DTNA: variants seen among roughly 807,000 people sequenced by gnomAD.
The protein encoded by DTNA is dystrobrevin alpha, also known as dystrophin-related protein 3.
A neutral mutation model predicts 100.7 loss-of-function variants in DTNA; 43 were observed. That is an observed-to-expected ratio of 0.43 (90% CI 0.33 to 0.55). The LOEUF (loss-of-function observed/expected upper bound fraction) is 0.55, where lower values mean the gene tolerates loss of function less well. DTNA is among the 20% of genes least tolerant of loss of function. DTNA has a pLI of 0.04. For synonymous variants in DTNA, 349 were observed against 347.9 expected (o/e 1.00, Z -0.04); for missense variants, 798 against 953.9 (o/e 0.84, Z 2.15).
chr18:34,544,972 G>T (rs144173004), intron 1 of DTNA, among the ~76,000 whole-genome samples: 1 of 152,038 alleles, frequency 6.6e-6, no homozygotes, highest in Admixed American at 6.6e-5. Flanking sequence ...GTTTAATACT[G>T]TGATTCCAAC....
chr18:34,555,828 T>C (rs1417035102), intron 1 of DTNA, among the ~76,000 whole-genome samples: 1 of 151,762 alleles, frequency 6.6e-6, no homozygotes, highest in African/African-American at 2.4e-5. Flanking sequence ...GGTGTGGTGC[T>C]GAAAAAAATG....
intron 1 of DTNA, among the ~76,000 whole-genome samples, chr18:34,541,772 A>C (rs1387607588): frequency 6.6e-6 from 1 of 152,120 alleles, no homozygotes; most frequent in Non-Finnish European, 1.5e-5. Context: ...TGGGAGATAA[A>C]GTGAGATTAG....
In DTNA at chr18:34,530,003, G is replaced by C. The variant is rs148628947; in HGVS notation, c.-2+36489G>C. ...CTAGCTTCTTTGAATACATAGATAT[G>C]ATAGTGTGTACCTTTCATTCTATGA... On this transcript the variant is annotated intron_variant, in intron 1 of 19. Coordinates refer to the DTNA transcript ENST00000283365. Among the ~76,000 whole-genome samples the C allele has an allele frequency of 8.1e-3, 1,237 of 152,220 alleles. 16 individuals carry two copies. The highest frequency in any genetic ancestry group is 0.028 in the African/African-American group (1,144 of 41,544).
At chr18:34,657,326 T>C (rs1481183677) in intron 1 of DTNA, among the ~76,000 whole-genome samples, 4 of 152,222 alleles carry the variant, frequency 2.6e-5, no homozygotes, top group Admixed American at 2.6e-4. Flanking sequence ...TTCCCAAATA[T>C]GGTACTTTTT....
At chr18:34,666,945 T>C (rs1236757467) in intron 1 of DTNA, among the ~76,000 whole-genome samples, 2 of 152,202 alleles carry the variant, frequency 1.3e-5, no homozygotes, top group East Asian at 1.9e-4. Flanking sequence ...GTAGTTTTTT[T>C]CCAATTCTGT....
chr18:34,648,517 G>A (rs2060103448), intron 1 of DTNA, among the ~76,000 whole-genome samples: 1 of 152,190 alleles, frequency 6.6e-6, no homozygotes, highest in Non-Finnish European at 1.5e-5. Context: ...TAGATAAAGG[G>A]AAATTGGAGT....
intron 1 of DTNA, among the ~76,000 whole-genome samples, chr18:34,559,893 A>G (rs1218656593): frequency 6.6e-6 from 1 of 152,210 alleles, no homozygotes; most frequent in Admixed American, 6.5e-5. Context: ...GAAAACACAA[A>G]TTATGAAGTG....
intron 1 of DTNA, among the ~76,000 whole-genome samples, chr18:34,669,682 A>G (rs1488246054): frequency 1.3e-5 from 2 of 152,138 alleles, no homozygotes; most frequent in African/African-American, 2.4e-5. Context: ...CCCTTCACTT[A>G]TGAAGCTTAG....
At chr18:34,862,124 C>CAAAAAAAAAAAAAAAA in intron 16 of DTNA, among the ~76,000 whole-genome samples, 1 of 56,266 alleles carries the variant, frequency 1.8e-5, no homozygotes, top group Non-Finnish European at 3.6e-5. Context: ...CAGACAAGGT[C>CAAAAAAAAAAAAAAAA]AAAAAAAAAA....
intron 1 of DTNA, among the ~76,000 whole-genome samples, chr18:34,573,111 C>A (rs773408979): frequency 3.3e-5 from 5 of 152,130 alleles, no homozygotes; most frequent in African/African-American, 9.7e-5. Flanking sequence ...TGCTCTGCTC[C>A]CATGTCACAT....
chr18:34,724,316 T>G (rs1187701096), intron 1 of DTNA, among the ~76,000 whole-genome samples: 1 of 152,194 alleles, frequency 6.6e-6, no homozygotes. Context: ...AATGAATAGC[T>G]AAAGTCATTT....
chr18:34,533,620 G>A lies in DTNA; in HGVS notation c.-2+40106G>A, dbSNP rs117340059. On this transcript the variant is annotated intron_variant, in intron 1 of 19. Transcript: ENST00000283365. The stretch of plus-strand genomic sequence containing the variant: ...TGTAATTGAGTAACTTATTTGCAGC[G>A]CATGTTTTCTGAAAATTTAGTCTTT... 2.5e-3 allele frequency among the ~76,000 whole-genome samples: 385 copies of A among 152,088 alleles called. 1 individual carries two copies. The highest frequency in any genetic ancestry group is 3.4e-3 in the Non-Finnish European group (233 of 67,970).
chr18:34,837,245 CA>C (rs2096171302), intron 11 of DTNA, among the ~76,000 whole-genome samples: 1 of 152,142 alleles, frequency 6.6e-6, no homozygotes, highest in Non-Finnish European at 1.5e-5. Context: ...TCTTCAAACA[CA>C]TTACCAATAC....
chr18:34,720,262 G>A (rs1246300405), intron 1 of DTNA, among the ~76,000 whole-genome samples: 2 of 152,090 alleles, frequency 1.3e-5, no homozygotes, highest in Non-Finnish European at 2.9e-5. Flanking sequence ...TGGTAGGGGT[G>A]GGTTGATTGT....
At chr18:34,733,134 C>T (rs1601044901) in intron 1 of DTNA, among the ~76,000 whole-genome samples, 2 of 152,084 alleles carry the variant, frequency 1.3e-5, no homozygotes, top group East Asian at 1.9e-4. Context: ...CTGGAGGTCT[C>T]CTTGGGGAAG....
At chr18:34,887,641 ATGTG>A in intron 22 of DTNA, 121 bp from the exon 23 acceptor site, 52 of 560,188 alleles carry the variant, frequency 9.3e-5, no homozygotes, top group East Asian at 1.5e-4. Flanking sequence ...GTGTGTGTGC[ATGTG>A]TGTGTGTGTG....
chr18:34,699,239 C>T (rs1453846334), intron 1 of DTNA, among the ~76,000 whole-genome samples: 2 of 151,792 alleles, frequency 1.3e-5, no homozygotes, highest in African/African-American at 4.8e-5. Flanking sequence ...TGAGAAGTCT[C>T]CAGGTATGCA....
chr18:34,546,796 GCTTCCCA>G (rs2044834691), intron 1 of DTNA, among the ~76,000 whole-genome samples: 1 of 150,682 alleles, frequency 6.6e-6, no homozygotes, highest in Non-Finnish European at 1.5e-5. Flanking sequence ...TGCAACTTCT[GCTTCCCA>G]GGTTCAAGCA....
Position 34,838,073 on chromosome 18 carries a change from C to T in DTNA, c.1176-21C>T, listed in dbSNP as rs368417978. On this transcript the variant is annotated intron_variant, in intron 11 of 22. Coordinates refer to ENST00000444659, the MANE Select transcript of DTNA (RefSeq NM_001386795.1). ...ATTGCCGTGTTTACGCTCTTCTTGG[C>T]TTTCCCATCTTATTAACTAGCTCTC... The T allele has an allele frequency of 2.5e-6, 4 of 1,612,726 alleles. No individual in the cohort carries two copies. In the South Asian group the frequency reaches 4.4e-5, roughly 18 times the overall value.
Sources: gnomAD v4.1 joint callset for allele counts (sites outside exome capture counted in the v4.1 genomes callset) on GRCh38, gnomAD v4.1.1 for gene constraint, MANE v1.5 for transcripts, NCBI Gene and HGNC (gene_info 2026-07-23, HGNC 2026-07-21) for gene names.